CDON: variants seen among roughly 807,000 people sequenced by gnomAD.
The protein encoded by CDON is cell adhesion associated, oncogene regulated, also known as cell adhesion molecule-related/down-regulated by oncogenes.
Under a neutral mutation model 120.9 loss-of-function variants are expected in CDON, and 73 were observed. The ratio of observed to expected loss-of-function variants is 0.60; its 90% CI spans 0.50 to 0.73. CDON has a LOEUF of 0.73. Ranked by LOEUF, CDON falls within the 30% of genes least tolerant of loss-of-function variation. CDON has a pLI of 0.00. For synonymous variants in CDON, 566 were observed against 573.5 expected (o/e 0.99, Z 0.19); for missense variants, 1,470 against 1,587.3 (o/e 0.93, Z 1.26).
At chr11:126,014,469 G>A (rs535988703) in intron 7 of CDON, among the ~76,000 whole-genome samples, 14 of 152,302 alleles carry the variant, frequency 9.2e-5, no homozygotes, top group Admixed American at 3.9e-4. Context: ...GCTGGTGGGA[G>A]TGTACACTGA....
intron 16 of CDON, among the ~76,000 whole-genome samples, chr11:125,981,963 CTATTTTCTTTTTTTTTTTTT>C (rs1184151225): frequency 5.9e-5 from 2 of 34,136 alleles, no homozygotes; most frequent in Non-Finnish European, 1.2e-4. Context: ...AAAAGTGATT[CTATTTTCTTTTTTTTTTTTT>C]TTTTTTTTTT....
Position 125,995,034 on chromosome 11 carries a change from C to G in CDON, c.2381G>C (p.Arg794Thr), listed in dbSNP as rs751416426. ...SLEPGSTYKF[R>T]VIAINHYGES... ...ACCATAATGGTTGATGGCAATGACC[C>G]TAAATTTGTATGTTGAACCTTTGAG... The change falls in exon 13 of 20, where the codon AGG becomes ACG. Residue 794 changes from arginine to threonine, a missense_variant. Arg to Thr is a moderately conservative substitution (Grantham distance 71). Transcript: ENST00000531738. 1 of 1,613,966 alleles carries G rather than the reference C, an allele frequency of 6.2e-7. No homozygotes were observed. Among genetic ancestry groups the G allele is most frequent in the South Asian group, 1.1e-5 (1 of 91,062 alleles).
chr11:126,020,450 A>G (rs1162723631), intron 3 of CDON, among the ~76,000 whole-genome samples: 5 of 152,116 alleles, frequency 3.3e-5, no homozygotes, highest in South Asian at 2.1e-4. Flanking sequence ...GGGACTCTTT[A>G]TTATCTCCAG....
intron 11 of CDON, among the ~76,000 whole-genome samples, 172 bp from the exon 12 acceptor site, chr11:125,997,582 G>A (rs1381598898): frequency 6.6e-6 from 1 of 152,074 alleles, no homozygotes; most frequent in African/African-American, 2.4e-5. Context: ...AAAATCTAAT[G>A]GGAATACAGG....
At chr11:126,015,085 C>T in intron 7 of CDON, 156 bp downstream of exon 7, 1 of 722,334 alleles carries the variant, frequency 1.4e-6, no homozygotes, top group South Asian at 1.7e-5. Context: ...CATGGAAATG[C>T]CTACCTGTCA....
chr11:125,969,562 C>A (rs1945902813), intron 18 of CDON, among the ~76,000 whole-genome samples: 1 of 152,154 alleles, frequency 6.6e-6, no homozygotes, highest in African/African-American at 2.4e-5. Flanking sequence ...TTATTACTGG[C>A]TTAAGGTGGA....
At chr11:125,964,302 A>T (rs1026273966) in intron 18 of CDON, among the ~76,000 whole-genome samples, 1 of 152,204 alleles carries the variant, frequency 6.6e-6, no homozygotes, top group Non-Finnish European at 1.5e-5. Context: ...TTTATTGAGA[A>T]AGCATTTGCT....
At chr11:126,050,357 C>T (rs1948524399) in intron 1 of CDON, among the ~76,000 whole-genome samples, 2 of 151,760 alleles carry the variant, frequency 1.3e-5, no homozygotes, top group South Asian at 2.1e-4. Context: ...CTCCAACATG[C>T]GAAAGAGGTA....
At chr11:126,035,130 C>A (rs1159741706) in intron 1 of CDON, among the ~76,000 whole-genome samples, 1 of 152,174 alleles carries the variant, frequency 6.6e-6, no homozygotes, top group African/African-American at 2.4e-5. Flanking sequence ...AAAAGACTCA[C>A]CCTCATGGGG....
chr11:125,984,743 C>T (rs1370473858), intron 15 of CDON, among the ~76,000 whole-genome samples: 1 of 150,480 alleles, frequency 6.6e-6, no homozygotes, highest in Non-Finnish European at 1.5e-5. Flanking sequence ...GGAACAAAAA[C>T]TCCTTTCTGT....
chr11:126,055,717 G>A (rs998077918), intron 1 of CDON, among the ~76,000 whole-genome samples: 23 of 152,002 alleles, frequency 1.5e-4, no homozygotes, highest in African/African-American at 5.6e-4. Flanking sequence ...TAAATAACTG[G>A]GCCAACAAAT....
chr11:125,989,847 G>T, intron 14 of CDON, 88 bp from the exon 15 acceptor site: 2 of 1,254,572 alleles, frequency 1.6e-6, no homozygotes, highest in South Asian at 1.3e-5. Flanking sequence ...GATGAGGCTG[G>T]AGCAGCATCC....
rs566821450 is a variant in CDON, at chr11:126,011,109, T to G, written c.1199-415A>C. 9.9e-5 allele frequency among the ~76,000 whole-genome samples: 15 copies of G among 151,940 alleles called. No individual in the cohort carries two copies. The East Asian group carries it at 2.9e-3, about 29-fold the overall frequency. ...AAATGGTCAATTTTGTGGGGTAGGG[T>G]GGGAAGGGAGGCAGGAATCTGATTA... On this transcript the variant is annotated intron_variant, in intron 7 of 19. Transcript: ENST00000531738.
chr11:125,981,366 A>ACACACACGCACACACACATGCACATACG, intron 16 of CDON, 37 bp from the exon 17 acceptor site: 3 of 1,573,966 alleles, frequency 1.9e-6, no homozygotes, highest in South Asian at 1.1e-5. Context: ...ACACGCACAC[A>ACACACACGCACACACACATGCACATACG]CACACACGCA....
intron 1 of CDON, among the ~76,000 whole-genome samples, chr11:126,024,389 A>T (rs1363425662): frequency 6.6e-6 from 1 of 152,234 alleles, no homozygotes; most frequent in Non-Finnish European, 1.5e-5. Flanking sequence ...TACAACACTG[A>T]GTCAACCGTG....
rs564214 is a variant in CDON at position 125,981,160 on chromosome 11, A to G, written c.3165T>C (p.Asn1055=). ...TCCCATTCACAATTCCATTGACTGC[A>G]TTGGGGACCTTATGGTGAAGGTGGG... ...GYSHLHHKVP[N]AVNGIVNGSL... Residue 1055 remains asparagine, a synonymous_variant, in exon 17 of 20, where the codon AAT becomes AAC. Coordinates refer to ENST00000531738, the MANE Select transcript of CDON (RefSeq NM_001378964.1). 438,726 of 1,613,738 alleles carry G rather than the reference A, an allele frequency of 0.27. 62,723 individuals are homozygous for G. The highest frequency in any genetic ancestry group is 0.46 in the African/African-American group (34,608 of 74,900).
Position 126,062,732 on chromosome 11 carries a change from G to A in CDON, c.-215C>T, listed in dbSNP as rs1314781790. 3 of 152,020 alleles carry A rather than the reference G, an allele frequency of 2.0e-5. No individual in the cohort carries two copies. Among genetic ancestry groups the A allele is most frequent in the Non-Finnish European group, 4.4e-5 (3 of 68,148 alleles). 9.4% of individuals were successfully genotyped at this position (152,020 alleles called of 1,614,324 possible). On this transcript the variant is annotated 5_prime_UTR_variant, in exon 1 of 20. Coordinates refer to ENST00000531738, the MANE Select transcript of CDON (RefSeq NM_001378964.1). ...CCCTCCATGCACCGCGCAGGGCAGAGGAGGGAGCGGCGCCTCGCACGCCGG... is the reference window on the plus strand; with the variant it reads ...CCCTCCATGCACCGCGCAGGGCAGAAGAGGGAGCGGCGCCTCGCACGCCGG...
chr11:125,978,391 G>T lies in CDON; in HGVS notation c.3277-8C>A. On this transcript the variant is annotated splice_region_variant and splice_polypyrimidine_tract_variant and intron_variant, in intron 17 of 19. Transcript: ENST00000531738. ...CGTGTACATTCCACCACCCTGGACA[G>T]GAAGGAGTGTCAGAGAAAAAGAAAA... 1 of 1,580,714 alleles carries T rather than the reference G, an allele frequency of 6.3e-7. No individual in the cohort carries two copies. The highest frequency in any genetic ancestry group is 8.7e-7 in the Non-Finnish European group (1 of 1,153,176).
At position 125,978,626 on chromosome 11, in the gene CDON, T is replaced by A. The variant is rs525300; in HGVS notation, c.3277-243A>T. ...ATTCCAAAAACTTCACTGCCATGTT[T>A]TCCTACGTATTTCTGTACTAGACAA... On this transcript the variant is annotated intron_variant, in intron 17 of 19. Coordinates refer to ENST00000531738, the MANE Select transcript of CDON (RefSeq NM_001378964.1). Among the ~76,000 whole-genome samples, 36,044 of 152,164 alleles carry A rather than the reference T, an allele frequency of 0.24. 4,420 individuals are homozygous for A. The highest frequency in any genetic ancestry group is 0.26 in the Non-Finnish European group (17,371 of 67,996).
Sources: gnomAD v4.1 joint callset for allele counts (sites outside exome capture counted in the v4.1 genomes callset) on GRCh38, gnomAD v4.1.1 for gene constraint, MANE v1.5 for transcripts, NCBI Gene and HGNC (gene_info 2026-07-23, HGNC 2026-07-21) for gene names.